Variants in CNTNAP2 observed in about 807,000 individuals in gnomAD.
The protein encoded by CNTNAP2 is contactin-associated protein-like 2.
CNTNAP2 carries 98 observed loss-of-function variants against 155.2 expected under a neutral mutation model. The ratio of observed to expected loss-of-function variants is 0.63; its 90% CI spans 0.54 to 0.75. CNTNAP2 has a LOEUF of 0.75. Among genes scored for constraint, CNTNAP2 ranks in the 30% least tolerant of loss-of-function variants. The pLI is 0.00. For missense variants in CNTNAP2, 1,727 were observed against 1,688.1 expected (o/e 1.02, Z -0.40); for synonymous variants, 651 against 631.2 (o/e 1.03, Z -0.47).
chr7:146,655,055 ATT>A, intron 1 of CNTNAP2, among the ~76,000 whole-genome samples: 1 of 152,288 alleles, frequency 6.6e-6, no homozygotes, highest in South Asian at 2.1e-4. Context: ...ATAATTATAA[ATT>A]TATAAGCCTA....
intron 1 of CNTNAP2, among the ~76,000 whole-genome samples, chr7:146,587,601 C>G (rs1798713824): frequency 6.6e-6 from 1 of 152,092 alleles, no homozygotes; most frequent in Non-Finnish European, 1.5e-5. Context: ...TATTTATATG[C>G]ACGTATGATG....
At chr7:148,234,617 A>G (rs1006015034) in intron 20 of CNTNAP2, among the ~76,000 whole-genome samples, 2 of 152,188 alleles carry the variant, frequency 1.3e-5, no homozygotes, top group African/African-American at 2.4e-5. Context: ...CTCCTTGGGA[A>G]AGTAAAGCTT....
At chr7:147,681,865 G>C (rs1474906933) in intron 13 of CNTNAP2, among the ~76,000 whole-genome samples, 1 of 151,794 alleles carries the variant, frequency 6.6e-6, no homozygotes, top group Non-Finnish European at 1.5e-5. Flanking sequence ...ATGGGACTTA[G>C]TGCTATCTGT....
intron 11 of CNTNAP2, among the ~76,000 whole-genome samples, chr7:147,533,771 G>A (rs1799487498): frequency 1.3e-5 from 2 of 151,450 alleles, no homozygotes; most frequent in Non-Finnish European, 2.9e-5. Flanking sequence ...GACCAACAGG[G>A]CATTGGTAAG....
At chr7:147,697,786 G>C (rs983344686) in intron 13 of CNTNAP2, among the ~76,000 whole-genome samples, 1 of 152,120 alleles carries the variant, frequency 6.6e-6, no homozygotes, top group Non-Finnish European at 1.5e-5. Context: ...CCTCTGGGTA[G>C]GCCTTGTTAA....
chr7:148,330,405 G>T (rs982280633), intron 21 of CNTNAP2, among the ~76,000 whole-genome samples: 17 of 151,622 alleles, frequency 1.1e-4, no homozygotes, highest in African/African-American at 4.1e-4. Context: ...TGGAGGGATG[G>T]AGTGGACAGA....
intron 15 of CNTNAP2, among the ~76,000 whole-genome samples, chr7:148,062,040 T>A (rs201288675): frequency 0.042 from 5,762 of 138,224 alleles, 413 homozygotes; most frequent in East Asian, 0.25. Flanking sequence ...TGTGTGTGTG[T>A]GTGTGTGTGT....
At chr7:148,370,570 C>T (rs1006995398) in intron 21 of CNTNAP2, among the ~76,000 whole-genome samples, 1 of 152,182 alleles carries the variant, frequency 6.6e-6, no homozygotes, top group Non-Finnish European at 1.5e-5. Context: ...GCCTTCCCCT[C>T]TTCCGCACAG....
At chr7:147,499,531 A>C (rs529245397) in intron 11 of CNTNAP2, among the ~76,000 whole-genome samples, 5 of 152,254 alleles carry the variant, frequency 3.3e-5, no homozygotes, top group African/African-American at 1.2e-4. Flanking sequence ...TCTGTCTCAA[A>C]AAAAAAATAC....
chr7:146,683,840 A>AAT (rs939880648), intron 1 of CNTNAP2, among the ~76,000 whole-genome samples: 2 of 152,184 alleles, frequency 1.3e-5, no homozygotes, highest in African/African-American at 4.8e-5. Flanking sequence ...GGTATGGTAA[A>AAT]ATGATATATG....
At chr7:147,203,660 C>T (rs1469626779) in intron 8 of CNTNAP2, among the ~76,000 whole-genome samples, 2 of 152,000 alleles carry the variant, frequency 1.3e-5, no homozygotes, top group African/African-American at 4.8e-5. Context: ...AAGTAAATAC[C>T]TTCCAATGTT....
At chr7:147,653,878 C>T (rs891685771) in intron 13 of CNTNAP2, among the ~76,000 whole-genome samples, 1 of 152,148 alleles carries the variant, frequency 6.6e-6, no homozygotes, top group Non-Finnish European at 1.5e-5. Context: ...AGAAACCAAA[C>T]ATATTTTATT....
Position 146,268,809 on chromosome 7 carries a change from C to T in CNTNAP2, c.97+151836C>T, listed in dbSNP as rs146785572. On this transcript the variant is annotated intron_variant, in intron 1 of 23. Transcript: ENST00000361727. Reference sequence around the variant, plus strand: ...TATCCAGTAGCATATCCATTATTTACGTGGTCTTATTTTATTGATTGGTCA... The same window carrying T: ...TATCCAGTAGCATATCCATTATTTATGTGGTCTTATTTTATTGATTGGTCA... Among the ~76,000 whole-genome samples, 84 of 152,250 alleles carry T rather than the reference C, an allele frequency of 5.5e-4. 1 individual carries two copies. The highest frequency in any genetic ancestry group is 1.9e-3 in the African/African-American group (78 of 41,546).
chr7:146,856,297 G>GATAGATAGATACATAC lies in CNTNAP2; in HGVS notation c.402+16396_402+16397insGATAGATACATACATA, dbSNP rs869052895. On this transcript the variant is annotated intron_variant, in intron 3 of 23. Transcript: ENST00000361727. ...AGATAGATAGATAGATAGATAGATA[G>GATAGATAGATACATAC]ATACATACATACATACATACATACA... is the stretch of plus-strand genomic sequence containing the variant. Among the ~76,000 whole-genome samples, 179 of 116,680 alleles carry GATAGATAGATACATAC rather than the reference G, an allele frequency of 1.5e-3. 1 individual carries two copies. Among genetic ancestry groups the GATAGATAGATACATAC allele is most frequent in the Non-Finnish European group, 2.5e-3 (139 of 55,378 alleles). 76.5% of individuals were successfully genotyped at this position (116,680 alleles called of 152,430 possible). A position where few individuals can be genotyped will look rare whatever the true frequency, so the allele number is the denominator to read the frequency against.
At chr7:147,658,112 C>A (rs1795553736) in intron 13 of CNTNAP2, among the ~76,000 whole-genome samples, 1 of 144,248 alleles carries the variant, frequency 6.9e-6, no homozygotes, top group Non-Finnish European at 1.5e-5. Context: ...AAAAAATTAG[C>A]CGGGCGTAGT....
chr7:146,264,031 T>A (rs1025325029), intron 1 of CNTNAP2, among the ~76,000 whole-genome samples: 16 of 152,224 alleles, frequency 1.1e-4, no homozygotes, highest in Non-Finnish European at 1.8e-4. Context: ...CCCTAATGAA[T>A]TTATTCTCCT....
intron 3 of CNTNAP2, among the ~76,000 whole-genome samples, chr7:146,932,226 C>A (rs910001062): frequency 2.0e-5 from 3 of 152,124 alleles, no homozygotes; most frequent in Non-Finnish European, 2.9e-5. Flanking sequence ...GCACATCAAA[C>A]AGCTTATCAC....
At chr7:146,435,760 G>A (rs978035047) in intron 1 of CNTNAP2, among the ~76,000 whole-genome samples, 2 of 152,018 alleles carry the variant, frequency 1.3e-5, no homozygotes, top group Admixed American at 1.3e-4. Context: ...CTTTTATTTG[G>A]ACATATGTTG....
intron 1 of CNTNAP2, among the ~76,000 whole-genome samples, chr7:146,163,585 C>CTATATATATATATATATATA (rs772109958): frequency 1.1e-5 from 1 of 91,224 alleles, no homozygotes; most frequent in African/African-American, 4.0e-5. Flanking sequence ...ATCTATCTAT[C>CTATATATATATATATATATA]TATATATATA....
Sources: gnomAD v4.1 joint callset for allele counts (sites outside exome capture counted in the v4.1 genomes callset) on GRCh38, gnomAD v4.1.1 for gene constraint, MANE v1.5 for transcripts, NCBI Gene and HGNC (gene_info 2026-07-23, HGNC 2026-07-21) for gene names.